The following NRN1 variants were observed in gnomAD, a reference collection of about 807,000 sequenced individuals.
NRN1 encodes neuritin.
A neutral mutation model predicts 15.0 loss-of-function variants in NRN1; 4 were observed. The observed-to-expected ratio is 0.27, with a 90% CI of 0.13 to 0.61. NRN1 has a LOEUF of 0.61. NRN1 is among the 20% of genes least tolerant of loss of function. The pLI, the probability that NRN1 is intolerant of heterozygous loss-of-function variation, is 0.87. For synonymous variants in NRN1, 85 were observed against 79.8 expected (o/e 1.07, Z -0.35); for missense variants, 134 against 181.9 (o/e 0.74, Z 1.51).
intron 2 of NRN1, among the ~76,000 whole-genome samples, chr6:6,001,594 C>T (rs987584621): frequency 2.0e-5 from 3 of 152,128 alleles, no homozygotes; most frequent in East Asian, 1.9e-4. Flanking sequence ...GGTCTGGGGA[C>T]GCCTTACAGA....
chr6:6,003,760 G>T lies in NRN1; in HGVS notation c.56-1263C>A, dbSNP rs988737758. On this transcript the variant is annotated intron_variant, in intron 1 of 2. Transcript: ENST00000244766. ...TTCCGCCCTGAGGCCGACGAACCCG[G>T]CTGGAAGCTGAGTGCCTAGCGGCCC... 4.9e-6 allele frequency: 6 copies of T among 1,234,120 alleles called. No homozygotes were observed. The African/African-American group carries it at 9.3e-5, about 19-fold the overall frequency. 76.4% of individuals were successfully genotyped at this position (1,234,120 alleles called of 1,614,324 possible).
rs55712329 is a variant in NRN1, at chr6:6,000,722, C to CTTTTTTTTTT, written c.201-1528_201-1519dup. ...CCTGCTAAAGGATGCCTAAATTGCT[C>CTTTTTTTTTT]TTTTTTTTTTTTTTTTTTTTTTTTT... On this transcript the variant is annotated intron_variant, in intron 2 of 2. Coordinates refer to ENST00000244766, the MANE Select transcript of NRN1 (RefSeq NM_016588.3). 1.6e-3 allele frequency among the ~76,000 whole-genome samples: 97 copies of CTTTTTTTTTT among 60,852 alleles called. 16 individuals carry two copies. Among genetic ancestry groups the CTTTTTTTTTT allele is most frequent in the African/African-American group, 4.7e-3 (70 of 14,970 alleles). The allele number at this position is 60,852 out of a possible 152,430, so 39.9% of individuals were successfully genotyped here.
At chr6:6,002,611 C>G in intron 1 of NRN1, 114 bp from the exon 2 acceptor site, 1 of 1,379,218 alleles carries the variant, frequency 7.3e-7, no homozygotes, top group South Asian at 1.4e-5. Flanking sequence ...GCGGCCTCTC[C>G]CAGCGCCCAG....
At position 5,998,359 on chromosome 6, in the gene NRN1, G is replaced by T. The variant is rs1757824850; in HGVS notation, c.*617C>A. The T allele has an allele frequency of 6.6e-6, 1 of 152,286 alleles. No homozygotes were observed. The highest frequency in any genetic ancestry group is 1.5e-5 in the Non-Finnish European group (1 of 68,132). 9.4% of individuals were successfully genotyped at this position (152,286 alleles called of 1,614,324 possible). A position where few individuals can be genotyped will look rare whatever the true frequency, so the allele number is the denominator to read the frequency against. ...TGGAAGCCTTTACTCTTACCCCAGA[G>T]ATTTCCTCAGCCCCTTCCCTCTCTC... is the stretch of plus-strand genomic sequence containing the variant. On this transcript the variant is annotated 3_prime_UTR_variant, in exon 3 of 3. Transcript: ENST00000244766.
rs758892639 is a variant in NRN1, at chr6:5,999,008, A to G, written c.397T>C (p.Ser133Pro). 6 of 1,613,012 alleles carry G rather than the reference A, an allele frequency of 3.7e-6. No individual in the cohort carries two copies. The Admixed American group carries it at 6.7e-5, about 18-fold the overall frequency. Residue 133 changes from serine to proline, a missense_variant, in exon 3 of 3, where the codon TCG (serine) becomes CCG (proline). Coordinates refer to ENST00000244766, the MANE Select transcript of NRN1 (RefSeq NM_016588.3). ...PAFPVLLVSL[S>P]AALATWLSF ...GAAAGCCAGGTCGCTAAAGCTGCCG[A>G]GAGAGACACCAGGAGCACCGGGAAC... is the stretch of plus-strand genomic sequence containing the variant.
chr6:6,001,326 C>T (rs1214349801), intron 2 of NRN1, among the ~76,000 whole-genome samples: 1 of 152,164 alleles, frequency 6.6e-6, no homozygotes. Flanking sequence ...CACAACCTGC[C>T]TTGGCTGTTT....
At chr6:6,007,249 G>A (rs915972262), upstream of NRN1, among the ~76,000 whole-genome samples, 9 of 151,302 alleles carry the variant, frequency 5.9e-5, no homozygotes, top group African/African-American at 2.2e-4. Flanking sequence ...CCCCAGCCCC[G>A]CCGCCTCCCT....
At chr6:6,006,540 G>T (rs1758114330) in intron 1 of NRN1, among the ~76,000 whole-genome samples, 155 bp downstream of exon 1, 1 of 152,208 alleles carries the variant, frequency 6.6e-6, no homozygotes, top group Admixed American at 6.5e-5. Context: ...TCTGGGACGC[G>T]CTAGTCCCCA....
In NRN1 at chr6:5,999,055, G is replaced by A; in HGVS notation, c.350C>T (p.Ala117Val). The A allele has an allele frequency of 6.2e-7, 1 of 1,613,970 alleles. No homozygotes were observed. The highest frequency in any genetic ancestry group is 8.5e-7 in the Non-Finnish European group (1 of 1,179,962). Residue 117 changes from alanine to valine, a missense_variant, in exon 3 of 3, where the codon GCG becomes GTG. Ala to Val is a moderately conservative substitution (Grantham distance 64). Transcript: ENST00000244766. ...GAACGCCGGGAGCAGGGACCCCGCCGCCCCGTTGCCGCTGCCGCAGAGTTC... is the reference window on the plus strand; with the variant it reads ...GAACGCCGGGAGCAGGGACCCCGCCACCCCGTTGCCGCTGCCGCAGAGTTC... Reference protein sequence around the residue: ...LFELCGSGNGAAGSLLPAFPV... With the variant: ...LFELCGSGNGVAGSLLPAFPV...
chr6:6,002,833 A>C (rs1397774017), intron 1 of NRN1: 11 of 393,944 alleles, frequency 2.8e-5, no homozygotes, highest in South Asian at 5.5e-5. Context: ...CACCTCCCTC[A>C]TCCCTTTTAT....
intron 1 of NRN1, among the ~76,000 whole-genome samples, chr6:6,005,491 C>T: frequency 6.6e-6 from 1 of 152,080 alleles, no homozygotes; most frequent in Non-Finnish European, 1.5e-5. Context: ...TGCATAAAAC[C>T]CCACTGCAAA....
intron 2 of NRN1, among the ~76,000 whole-genome samples, 179 bp downstream of exon 2, chr6:6,002,174 C>G (rs1370204742): frequency 6.6e-6 from 1 of 152,220 alleles, no homozygotes; most frequent in Non-Finnish European, 1.5e-5. Context: ...CCTTGGGAAG[C>G]GCAGGTTCTA....
intron 2 of NRN1, among the ~76,000 whole-genome samples, chr6:6,001,259 CACAGTAT>C (rs1757937925): frequency 6.6e-6 from 1 of 152,148 alleles, no homozygotes; most frequent in South Asian, 2.1e-4. Flanking sequence ...GGAAAGACTT[CACAGTAT>C]ACAAATGATG....
At chr6:6,006,383 C>A (rs924380475) in intron 1 of NRN1, among the ~76,000 whole-genome samples, 1 of 152,144 alleles carries the variant, frequency 6.6e-6, no homozygotes, top group Non-Finnish European at 1.5e-5. Context: ...TGCCCCAGAG[C>A]GCACCAAACC....
chr6:6,003,893 G>A (rs1161931605), intron 1 of NRN1: 4 of 1,230,476 alleles, frequency 3.3e-6, no homozygotes, highest in Non-Finnish European at 2.0e-6. Flanking sequence ...GACCCTGGGC[G>A]CCGGCCTGGT....
At chr6:5,999,976 G>C (rs1373719805) in intron 2 of NRN1, among the ~76,000 whole-genome samples, 1 of 152,152 alleles carries the variant, frequency 6.6e-6, no homozygotes, top group South Asian at 2.1e-4. Flanking sequence ...AGCACCTGGG[G>C]CCGGCCTCGT....
chr6:5,999,112 G>A lies in NRN1; in HGVS notation c.293C>T (p.Ser98Phe), dbSNP rs1339235053. The A allele has an allele frequency of 1.9e-6, 3 of 1,614,058 alleles. No individual in the cohort carries two copies. Among genetic ancestry groups the A allele is most frequent in the African/African-American group, 1.3e-5 (1 of 74,952 alleles). ...GCTGCCTTGGATGTTGAGGTTTTTG[G>A]ATTCTTTTCTCAGTTTATCCCACAT... ...KDMWDKLRKESKNLNIQGSLF... is the reference protein window; with the variant it reads ...KDMWDKLRKEFKNLNIQGSLF... Residue 98 changes from serine to phenylalanine, a missense_variant, in exon 3 of 3, where the codon TCC (serine) becomes TTC (phenylalanine). By Grantham distance (155) the Ser-to-Phe change is radical. Transcript: ENST00000244766.
intron 1 of NRN1, 114 bp downstream of exon 1, chr6:6,006,581 C>T (rs35560260): frequency 3.2e-6 from 3 of 935,632 alleles, no homozygotes; most frequent in Non-Finnish European, 5.2e-6. Context: ...CGGGGGATTG[C>T]CGGCTTCTCC....
At chr6:6,000,716 A>G (rs551172413) in intron 2 of NRN1, among the ~76,000 whole-genome samples, 20 of 108,908 alleles carry the variant, frequency 1.8e-4, no homozygotes, top group African/African-American at 6.7e-4. Flanking sequence ...GGATGCCTAA[A>G]TTGCTCTTTT....
Sources: gnomAD v4.1 joint callset for allele counts (sites outside exome capture counted in the v4.1 genomes callset) on GRCh38, gnomAD v4.1.1 for gene constraint, MANE v1.5 for transcripts, NCBI Gene and HGNC (gene_info 2026-07-23, HGNC 2026-07-21) for gene names.